The following AVEN variants were observed in gnomAD, a reference collection of about 807,000 sequenced individuals.
The protein encoded by AVEN is cell death regulator Aven.
AVEN carries 41 observed loss-of-function variants against 38.1 expected under a neutral mutation model. The ratio of observed to expected loss-of-function variants is 1.08; its 90% CI spans 0.84 to 1.40. AVEN has a LOEUF of 1.40. AVEN is among the 40% of genes most tolerant of loss of function. The pLI is 0.00. For synonymous variants in AVEN, 206 were observed against 171.8 expected (o/e 1.20, Z -1.56); for missense variants, 605 against 438.8 (o/e 1.38, Z -3.38).
chr15:33,971,151 A>G (rs1390033492), intron 2 of AVEN, among the ~76,000 whole-genome samples: 1 of 152,054 alleles, frequency 6.6e-6, no homozygotes, highest in Admixed American at 6.6e-5. Flanking sequence ...TAGTACCTGA[A>G]GATTTGGTTT....
rs180777460 is a variant in AVEN at position 33,902,345 on chromosome 15, C to T, written c.446-26350G>A. Among the ~76,000 whole-genome samples, 11 of 152,322 alleles carry T rather than the reference C, an allele frequency of 7.2e-5. No homozygotes were observed. The East Asian group carries it at 2.1e-3, about 29-fold the overall frequency. On this transcript the variant is annotated intron_variant, in intron 2 of 5. Transcript: ENST00000306730. Reference sequence around the variant, plus strand: ...AAAGATTTAAAAACCCCATGATCATCTCAATGGATGCAGACAAAGCCTTTG... The same window carrying T: ...AAAGATTTAAAAACCCCATGATCATTTCAATGGATGCAGACAAAGCCTTTG...
chr15:33,864,966 C>G (rs372450774), downstream of AVEN: 3 of 560,370 alleles, frequency 5.4e-6, no homozygotes, highest in Non-Finnish European at 9.5e-6. Flanking sequence ...CTTCTTGCTT[C>G]CCAAACAGCC....
intron 2 of AVEN, among the ~76,000 whole-genome samples, chr15:33,882,912 A>T (rs1390815922): frequency 2.0e-4 from 30 of 152,152 alleles, no homozygotes. Flanking sequence ...AAAACGGAAG[A>T]AAATTAGAAA....
chr15:33,917,803 C>G (rs1021011648), intron 2 of AVEN, among the ~76,000 whole-genome samples: 1 of 152,046 alleles, frequency 6.6e-6, no homozygotes, highest in Non-Finnish European at 1.5e-5. Context: ...CAAAGGCAGA[C>G]TCAGGGGTAA....
intron 2 of AVEN, among the ~76,000 whole-genome samples, chr15:33,945,151 G>A (rs1894460757): frequency 6.6e-6 from 1 of 152,130 alleles, no homozygotes; most frequent in South Asian, 2.1e-4. Context: ...TTTATTTATT[G>A]CAATGTCAAT....
chr15:33,961,988 C>A (rs1325775202), intron 2 of AVEN, among the ~76,000 whole-genome samples: 2 of 151,918 alleles, frequency 1.3e-5, no homozygotes, highest in Non-Finnish European at 2.9e-5. Context: ...GTTTGGGGGG[C>A]AGAGCACAGC....
intron 2 of AVEN, among the ~76,000 whole-genome samples, chr15:33,943,822 T>G (rs983027640): frequency 1.9e-3 from 186 of 99,096 alleles, no homozygotes; most frequent in Non-Finnish European, 3.3e-3. Context: ...GACTCCGTCT[T>G]TAAAAAAAAA....
At chr15:33,946,376 A>G (rs1441101334) in intron 2 of AVEN, among the ~76,000 whole-genome samples, 1 of 152,152 alleles carries the variant, frequency 6.6e-6, no homozygotes, top group Non-Finnish European at 1.5e-5. Context: ...CCTGTCCAAC[A>G]CAATAAATCA....
intron 2 of AVEN, among the ~76,000 whole-genome samples, chr15:34,000,916 C>A (rs1897113266): frequency 6.6e-6 from 1 of 151,970 alleles, no homozygotes; most frequent in African/African-American, 2.4e-5. Context: ...AAGAAAAATA[C>A]ATGAGAGACT....
At chr15:34,033,694 T>C (rs1038126350) in intron 1 of AVEN, among the ~76,000 whole-genome samples, 7 of 152,158 alleles carry the variant, frequency 4.6e-5, no homozygotes, top group African/African-American at 1.7e-4. Flanking sequence ...TATATTCTGT[T>C]GAATAAGGTT....
intron 2 of AVEN, among the ~76,000 whole-genome samples, chr15:33,957,923 G>A (rs1376885144): frequency 6.6e-6 from 1 of 152,124 alleles, no homozygotes; most frequent in Non-Finnish European, 1.5e-5. Flanking sequence ...GAACCCAGTG[G>A]CACTTGGGAA....
chr15:33,959,408 T>C (rs544395240), intron 2 of AVEN, among the ~76,000 whole-genome samples: 1 of 152,274 alleles, frequency 6.6e-6, no homozygotes, highest in African/African-American at 2.4e-5. Flanking sequence ...AAAGTTCAGA[T>C]TCCTCAGCAG....
chr15:34,011,891 G>A (rs974617815), intron 1 of AVEN, among the ~76,000 whole-genome samples: 5 of 152,310 alleles, frequency 3.3e-5, no homozygotes, highest in African/African-American at 9.6e-5. Context: ...ATGACTTAAG[G>A]ATAATTTGGG....
intron 1 of AVEN, among the ~76,000 whole-genome samples, chr15:34,025,149 G>T (rs1015841440): frequency 6.6e-6 from 1 of 152,128 alleles, no homozygotes; most frequent in Admixed American, 6.6e-5. Context: ...CACCCTGGGC[G>T]ATGGAGTGAG....
rs1214563337 is a variant in AVEN, at chr15:33,866,408, TA to T, written c.*204del. ...CCCTTAAGGAAATCTATTAGATTAC[TA>T]AGCCAGAAAAACAAATGCAACAAGC... is the stretch of plus-strand genomic sequence containing the variant. On this transcript the variant is annotated 3_prime_UTR_variant, in exon 6 of 6. Transcript: ENST00000306730. 5.1e-6 allele frequency: 3 copies of T among 582,896 alleles called. No individual in the cohort carries two copies. Among genetic ancestry groups the T allele is most frequent in the Non-Finnish European group, 9.1e-6 (3 of 329,440 alleles). 36.1% of individuals were successfully genotyped at this position (582,896 alleles called of 1,614,324 possible). A position where few individuals can be genotyped will look rare whatever the true frequency, so the allele number is the denominator to read the frequency against.
At chr15:34,001,214 G>C (rs997627004) in intron 2 of AVEN, among the ~76,000 whole-genome samples, 1 of 151,678 alleles carries the variant, frequency 6.6e-6, no homozygotes, top group Non-Finnish European at 1.5e-5. Context: ...TAGAAACGGG[G>C]TTTCACTATG....
chr15:33,978,554 T>C (rs1266740347), intron 2 of AVEN, among the ~76,000 whole-genome samples: 1 of 151,944 alleles, frequency 6.6e-6, no homozygotes, highest in Admixed American at 6.6e-5. Flanking sequence ...TGCCAGCTAC[T>C]TGGGAGGCTA....
chr15:33,923,145 G>GAC (rs1893467697), intron 2 of AVEN, among the ~76,000 whole-genome samples: 1 of 151,916 alleles, frequency 6.6e-6, no homozygotes, highest in African/African-American at 2.4e-5. Flanking sequence ...CTAAGAGAGA[G>GAC]AGAGAGATAA....
At chr15:34,002,035 A>G (rs1897156301) in intron 2 of AVEN, among the ~76,000 whole-genome samples, 1 of 152,240 alleles carries the variant, frequency 6.6e-6, no homozygotes, top group Non-Finnish European at 1.5e-5. Context: ...TTATAAAGAA[A>G]TAATACAGAA....
Sources: gnomAD v4.1 joint callset for allele counts (sites outside exome capture counted in the v4.1 genomes callset) on GRCh38, gnomAD v4.1.1 for gene constraint, MANE v1.5 for transcripts, NCBI Gene and HGNC (gene_info 2026-07-23, HGNC 2026-07-21) for gene names.